KHDRBS2: variants seen among roughly 807,000 people sequenced by gnomAD.
KHDRBS2 encodes the protein KH RNA binding domain containing, signal transduction associated 2.
KHDRBS2 carries 26 observed loss-of-function variants against 44.3 expected under a neutral mutation model. The observed-to-expected ratio is 0.59, with a 90% confidence interval of 0.43 to 0.81. The LOEUF (loss-of-function observed/expected upper bound fraction) is 0.81. Among genes scored for constraint, KHDRBS2 ranks in the 40% least tolerant of loss-of-function variants. KHDRBS2 has a pLI of 0.00. For synonymous variants in KHDRBS2, 194 were observed against 151.1 expected (o/e 1.28, Z -2.08); for missense variants, 476 against 433.1 (o/e 1.10, Z -0.88).
At chr6:62,052,423 A>T (rs959902769) in intron 2 of KHDRBS2, among the ~76,000 whole-genome samples, 3 of 151,910 alleles carry the variant, frequency 2.0e-5, no homozygotes, top group Non-Finnish European at 4.4e-5. Context: ...TCTGAAAAAA[A>T]ATACCAAGAA....
intron 7 of KHDRBS2, among the ~76,000 whole-genome samples, chr6:61,720,702 C>T (rs9767012): frequency 0.16 from 25,039 of 151,940 alleles, 2,511 homozygotes; most frequent in East Asian, 0.29. Context: ...GAGTAGGTTG[C>T]GAAAATTTTC....
At chr6:62,077,202 T>C (rs1401392744) in intron 2 of KHDRBS2, among the ~76,000 whole-genome samples, 3 of 152,048 alleles carry the variant, frequency 2.0e-5, no homozygotes, top group Non-Finnish European at 4.4e-5. Context: ...AAGGACCATA[T>C]TAAGTTCATT....
chr6:61,742,008 T>C (rs539003149), intron 6 of KHDRBS2, among the ~76,000 whole-genome samples: 2 of 152,092 alleles, frequency 1.3e-5, no homozygotes, highest in Admixed American at 1.3e-4. Flanking sequence ...GGAATATTCT[T>C]ATGCAGTTGA....
intron 2 of KHDRBS2, among the ~76,000 whole-genome samples, chr6:62,050,083 C>T (rs1584366216): frequency 1.3e-5 from 2 of 152,106 alleles, no homozygotes; most frequent in South Asian, 4.2e-4. Flanking sequence ...AATGTGGCAG[C>T]ACATATACAC....
intron 2 of KHDRBS2, among the ~76,000 whole-genome samples, chr6:62,163,684 G>T (rs1314101086): frequency 6.6e-6 from 1 of 151,976 alleles, no homozygotes; most frequent in Non-Finnish European, 1.5e-5. Context: ...ATGGTTTAAT[G>T]CAAAGAGGAT....
intron 5 of KHDRBS2, among the ~76,000 whole-genome samples, chr6:61,896,174 C>A (rs539355510): frequency 8.1e-4 from 124 of 152,264 alleles, no homozygotes; most frequent in African/African-American, 2.9e-3. Context: ...CTCCTCCAAG[C>A]ACATTTCTGT....
At chr6:62,030,370 G>A (rs906159062) in intron 3 of KHDRBS2, among the ~76,000 whole-genome samples, 4 of 151,980 alleles carry the variant, frequency 2.6e-5, no homozygotes, top group African/African-American at 9.7e-5. Context: ...AAATGCCACA[G>A]CTAATTACAT....
At chr6:61,835,359 G>C (rs1792479157) in intron 6 of KHDRBS2, among the ~76,000 whole-genome samples, 2 of 152,054 alleles carry the variant, frequency 1.3e-5, no homozygotes, top group South Asian at 2.1e-4. Context: ...ATATGAGTAA[G>C]TGTCAGAGGG....
the KHDRBS2 span, among the ~76,000 whole-genome samples, chr6:61,636,973 C>T: frequency 2.0e-5 from 3 of 152,040 alleles, no homozygotes; most frequent in African/African-American, 7.2e-5. Flanking sequence ...GTTGAATAAA[C>T]ATACAAGAAG....
In KHDRBS2 at chr6:62,252,914, G is replaced by T. The variant is rs188612224; in HGVS notation, c.91+32944C>A. Among the ~76,000 whole-genome samples, 97 of 152,004 alleles carry T rather than the reference G, an allele frequency of 6.4e-4. 1 individual carries two copies. The East Asian group carries it at 0.011, about 18-fold the overall frequency. ...AAAACCCACAAAATAGAAACTGCAT[G>T]TAAATTATGATCATAACTATAAAAA... On this transcript the variant is annotated intron_variant, in intron 1 of 8. Transcript: ENST00000281156.
intron 1 of KHDRBS2, among the ~76,000 whole-genome samples, chr6:62,262,748 G>A (rs1460487155): frequency 1.3e-5 from 2 of 151,508 alleles, no homozygotes; most frequent in Non-Finnish European, 3.0e-5. Flanking sequence ...TACTCAATTA[G>A]TATTGGCTAA....
intron 6 of KHDRBS2, among the ~76,000 whole-genome samples, chr6:61,883,672 A>G (rs1583318828): frequency 6.6e-6 from 1 of 152,102 alleles, no homozygotes; most frequent in Admixed American, 6.6e-5. Context: ...CAGTATTTAC[A>G]TACCGCTACC....
At chr6:61,600,537 T>A in the KHDRBS2 span, among the ~76,000 whole-genome samples, 1 of 152,060 alleles carries the variant, frequency 6.6e-6, no homozygotes, top group Admixed American at 6.5e-5. Context: ...CTTCACTGAG[T>A]CTCTTTTCGG....
intron 6 of KHDRBS2, among the ~76,000 whole-genome samples, chr6:61,828,948 G>A (rs987984366): frequency 6.6e-6 from 1 of 152,074 alleles, no homozygotes; most frequent in African/African-American, 2.4e-5. Context: ...GTATACAGTG[G>A]GTTAGGATTA....
intron 6 of KHDRBS2, among the ~76,000 whole-genome samples, chr6:61,776,863 C>G (rs1391312317): frequency 6.6e-6 from 1 of 152,116 alleles, no homozygotes; most frequent in African/African-American, 2.4e-5. Context: ...GCACTATTCA[C>G]AATAGGAAAT....
At position 62,205,382 on chromosome 6, in the gene KHDRBS2, C is replaced by G. The variant is rs369013350; in HGVS notation, c.92-28070G>C. 4.4e-3 allele frequency among the ~76,000 whole-genome samples: 667 copies of G among 152,244 alleles called. 9 individuals carry two copies. Among genetic ancestry groups the G allele is most frequent in the African/African-American group, 0.015 (634 of 41,564 alleles). On this transcript the variant is annotated intron_variant, in intron 1 of 8. Transcript: ENST00000281156. ...TTAAGGGACCCAGAAATATTTGAAT[C>G]TAGCCTTACTCAGCCACCATATCTT...
chr6:62,066,139 A>C (rs1191045927), intron 2 of KHDRBS2, among the ~76,000 whole-genome samples: 1 of 118,720 alleles, frequency 8.4e-6, no homozygotes, highest in African/African-American at 2.6e-5. Context: ...AAATATCATT[A>C]TTAAGTGAAA....
At chr6:61,662,139 C>A in the KHDRBS2 span, among the ~76,000 whole-genome samples, 77 of 150,442 alleles carry the variant, frequency 5.1e-4, no homozygotes, top group Non-Finnish European at 9.5e-4. Flanking sequence ...GAAAAACAAG[C>A]AATGGGGAAA....
chr6:62,187,024 T>A (rs1425895427), intron 1 of KHDRBS2, among the ~76,000 whole-genome samples: 5 of 152,098 alleles, frequency 3.3e-5, no homozygotes, highest in African/African-American at 1.2e-4. Context: ...ATAATCATAT[T>A]ACATAAGAAA....
Sources: gnomAD v4.1 joint callset for allele counts (sites outside exome capture counted in the v4.1 genomes callset) on GRCh38, gnomAD v4.1.1 for gene constraint, MANE v1.5 for transcripts, NCBI Gene and HGNC (gene_info 2026-07-23, HGNC 2026-07-21) for gene names.